TUSC3: variants seen among roughly 807,000 people sequenced by gnomAD.
The protein encoded by TUSC3 is dolichyl-diphosphooligosaccharide--protein glycosyltransferase subunit TUSC3.
A neutral mutation model predicts 44.8 loss-of-function variants in TUSC3; 45 were observed. The ratio of observed to expected loss-of-function variants is 1.00; its 90% confidence interval spans 0.79 to 1.29. TUSC3 has a LOEUF of 1.29. Ranked by LOEUF, TUSC3 falls within the 50% of genes most tolerant of loss-of-function variation. The pLI, the probability that TUSC3 is intolerant of heterozygous loss-of-function variation, is 0.00. For synonymous variants in TUSC3, 212 were observed against 152.9 expected (o/e 1.39, Z -2.85); for missense variants, 519 against 437.9 (o/e 1.19, Z -1.65).
At chr8:15,453,302 C>T (rs1800216916) in intron 1 of TUSC3, among the ~76,000 whole-genome samples, 3 of 152,252 alleles carry the variant, frequency 2.0e-5, no homozygotes, top group Middle Eastern at 6.8e-3. Context: ...GCAATAAACT[C>T]TTCTTCCTAA....
chr8:15,824,295 A>T, the TUSC3 span, among the ~76,000 whole-genome samples: 1 of 152,224 alleles, frequency 6.6e-6, no homozygotes, highest in Non-Finnish European at 1.5e-5. Flanking sequence ...CTATTTATAC[A>T]TAGAATGCAA....
At chr8:15,780,037 A>G in the TUSC3 span, among the ~76,000 whole-genome samples, 4 of 152,198 alleles carry the variant, frequency 2.6e-5, no homozygotes, top group African/African-American at 4.8e-5. Flanking sequence ...GCCTTACACC[A>G]AACTAGCAAT....
At chr8:15,434,237 C>T (rs887557275) in intron 1 of TUSC3, among the ~76,000 whole-genome samples, 1 of 146,212 alleles carries the variant, frequency 6.8e-6, no homozygotes, top group Non-Finnish European at 1.5e-5. Context: ...CATTTGTACA[C>T]TGTTTTTTTG....
chr8:15,775,139 G>C, the TUSC3 span, among the ~76,000 whole-genome samples: 1 of 152,096 alleles, frequency 6.6e-6, no homozygotes, highest in African/African-American at 2.4e-5. Context: ...CCATAAAAAA[G>C]TTATGAAGTA....
At chr8:15,656,463 G>GT (rs111657113) in intron 3 of TUSC3, among the ~76,000 whole-genome samples, 16 of 152,302 alleles carry the variant, frequency 1.1e-4, no homozygotes, top group African/African-American at 3.8e-4. Context: ...CTGGCTCCAA[G>GT]TAAGTCCAAA....
the TUSC3 span, among the ~76,000 whole-genome samples, chr8:15,835,434 C>A: frequency 1.3e-5 from 2 of 151,848 alleles, no homozygotes; most frequent in African/African-American, 4.8e-5. Flanking sequence ...TTTTCTATTT[C>A]ATTGATTCCT....
intron 6 of TUSC3, among the ~76,000 whole-genome samples, chr8:15,704,921 G>A (rs186841246): frequency 2.7e-5 from 4 of 147,628 alleles, no homozygotes; most frequent in Admixed American, 2.1e-4. Context: ...ACCCATGCTG[G>A]CTTCTTTGTT....
At chr8:15,635,676 G>T (rs1041757809) in intron 2 of TUSC3, among the ~76,000 whole-genome samples, 4 of 152,200 alleles carry the variant, frequency 2.6e-5, no homozygotes, top group African/African-American at 7.2e-5. Context: ...ATTAAAGTCA[G>T]TTTGCTAAGA....
chr8:15,678,521 T>C (rs1470394014), intron 6 of TUSC3, among the ~76,000 whole-genome samples: 1 of 152,186 alleles, frequency 6.6e-6, no homozygotes, highest in East Asian at 1.9e-4. Flanking sequence ...TTAAATATAG[T>C]TTTATTTTTA....
intron 9 of TUSC3, 47 bp downstream of exon 9, chr8:15,748,512 A>G (rs766281422): frequency 2.1e-6 from 3 of 1,439,626 alleles, no homozygotes; most frequent in Non-Finnish European, 2.9e-6. Context: ...TAACTAATAG[A>G]ACAGAGTTTC....
At chr8:15,632,153 C>T (rs866345017) in intron 2 of TUSC3, among the ~76,000 whole-genome samples, 8 of 152,262 alleles carry the variant, frequency 5.3e-5, no homozygotes, top group Middle Eastern at 6.8e-3. Context: ...ACCCCCATGC[C>T]ATGTGAGATC....
chr8:15,758,092 G>C, intron 10 of TUSC3: 1 of 1,286,116 alleles, frequency 7.8e-7, no homozygotes. Context: ...TCATTTGACA[G>C]ATGCAATGCT....
chr8:15,444,780 A>T (rs1209638166), intron 1 of TUSC3, among the ~76,000 whole-genome samples: 1 of 151,990 alleles, frequency 6.6e-6, no homozygotes, highest in African/African-American at 2.4e-5. Context: ...AAAAAATAAA[A>T]TGTCTTCTTA....
At chr8:15,725,498 T>G (rs540091631) in intron 6 of TUSC3, among the ~76,000 whole-genome samples, 1 of 152,310 alleles carries the variant, frequency 6.6e-6, no homozygotes, top group South Asian at 2.1e-4. Flanking sequence ...AGTTTGCTAT[T>G]ACTGAATTAA....
At chr8:15,442,686 G>C (rs976138826) in intron 1 of TUSC3, among the ~76,000 whole-genome samples, 3 of 152,118 alleles carry the variant, frequency 2.0e-5, no homozygotes, top group African/African-American at 7.2e-5. Flanking sequence ...ATTCCTTCTA[G>C]ATTCTGTCAT....
At chr8:15,575,114 G>A (rs573400174) in intron 1 of TUSC3, among the ~76,000 whole-genome samples, 36 of 152,200 alleles carry the variant, frequency 2.4e-4, no homozygotes, top group African/African-American at 7.7e-4. Flanking sequence ...CATGTAAAAT[G>A]CACATTTTAT....
the TUSC3 span, among the ~76,000 whole-genome samples, chr8:15,851,968 G>C: frequency 6.6e-6 from 1 of 152,044 alleles, no homozygotes; most frequent in African/African-American, 2.4e-5. Context: ...CCTTTTGCTT[G>C]GATCTCATTT....
chr8:15,670,304 A>G (rs1485885162), intron 5 of TUSC3, among the ~76,000 whole-genome samples: 2 of 151,828 alleles, frequency 1.3e-5, no homozygotes, highest in Non-Finnish European at 2.9e-5. Context: ...TTACACTTAC[A>G]GATATCAACA....
At chr8:15,626,589 C>G (rs933267644) in intron 2 of TUSC3, among the ~76,000 whole-genome samples, 13 of 152,214 alleles carry the variant, frequency 8.5e-5, no homozygotes, top group Non-Finnish European at 1.3e-4. Flanking sequence ...ACTCAGGCAT[C>G]TCTCTGCACT....
Sources: gnomAD v4.1 joint callset for allele counts (sites outside exome capture counted in the v4.1 genomes callset) on GRCh38, gnomAD v4.1.1 for gene constraint, MANE v1.5 for transcripts, NCBI Gene and HGNC (gene_info 2026-07-23, HGNC 2026-07-21) for gene names.